Variants in CPPED1 observed in about 807,000 individuals in gnomAD.
CPPED1 encodes calcineurin like phosphoesterase domain containing 1.
In CPPED1, 28 loss-of-function variants were observed where a neutral mutation model predicts 28.0. That is an observed-to-expected ratio of 1.00 (90% CI 0.74 to 1.37). The LOEUF is 1.37. CPPED1 is among the 40% of genes most tolerant of loss of function. The pLI, the probability that CPPED1 is intolerant of heterozygous loss-of-function variation, is 0.00. For synonymous variants in CPPED1, 198 were observed against 180.2 expected, an observed-to-expected ratio of 1.10 and a Z score of -0.79; for missense variants, 504 against 416.5, an observed-to-expected ratio of 1.21 and a Z score of -1.83.
intron 3 of CPPED1, among the ~76,000 whole-genome samples, chr16:12,680,042 T>C (rs2079897026): frequency 6.6e-6 from 1 of 152,164 alleles, no homozygotes; most frequent in Admixed American, 6.5e-5. Context: ...ATCTACATAA[T>C]AAGACAACCT....
intron 2 of CPPED1, among the ~76,000 whole-genome samples, chr16:12,766,242 A>AATATATATAT (rs71393703): frequency 0.01 from 1,310 of 126,422 alleles, 21 homozygotes; most frequent in Non-Finnish European, 0.011. Context: ...AAAAAATACA[A>AATATATATAT]ATATATATAT....
chr16:12,660,424 T>C lies in CPPED1; in HGVS notation c.*4462A>G, dbSNP rs2079787326. The C allele has an allele frequency of 6.6e-6, 1 of 152,110 alleles. No individual in the cohort carries two copies. Among genetic ancestry groups the C allele is most frequent in the African/African-American group, 2.4e-5 (1 of 41,430 alleles). The allele number at this position is 152,110 out of a possible 1,614,324, so 9.4% of individuals were successfully genotyped here. On this transcript the variant is annotated 3_prime_UTR_variant, in exon 4 of 4. Coordinates refer to ENST00000381774, the MANE Select transcript of CPPED1 (RefSeq NM_018340.3). The stretch of plus-strand genomic sequence containing the variant: ...AATCCACTGGAGGAAAAGGAAAATT[T>C]AGTCAGCAAAATCTTTTCTAGATAA...
In CPPED1 at chr16:12,661,327, T is replaced by C. The variant is rs145713484; in HGVS notation, c.*3559A>G. On this transcript the variant is annotated 3_prime_UTR_variant, in exon 4 of 4. Transcript: ENST00000381774. ...GCCTTGTAACTCTGCAAGTGATCAA[T>C]AATCTCTTAATACTGAAAATCACAA... 7.2e-5 allele frequency: 11 copies of C among 152,324 alleles called. No homozygotes were observed. In the East Asian group the frequency reaches 2.1e-3, roughly 29 times the overall value. The allele number at this position is 152,324 out of a possible 1,614,324, so 9.4% of individuals were successfully genotyped here.
chr16:12,696,527 G>A (rs964466693), intron 3 of CPPED1, among the ~76,000 whole-genome samples: 4 of 144,930 alleles, frequency 2.8e-5, no homozygotes, highest in South Asian at 2.2e-4. Flanking sequence ...TGCAACCTCC[G>A]CCTTCCCAGG....
At chr16:12,701,394 C>A (rs1303757339) in intron 3 of CPPED1, among the ~76,000 whole-genome samples, 3 of 151,964 alleles carry the variant, frequency 2.0e-5, no homozygotes, top group African/African-American at 7.3e-5. Flanking sequence ...ATTAGCCAGG[C>A]ATGGTGGTGC....
At chr16:12,781,439 C>A (rs1295466024) in intron 1 of CPPED1, 36 bp from the exon 2 acceptor site, 5 of 1,588,092 alleles carry the variant, frequency 3.1e-6, no homozygotes, top group Non-Finnish European at 4.3e-6. Context: ...AAGGAGAAAT[C>A]TTGTAAAATC....
chr16:12,731,803 T>C (rs1403765973), intron 2 of CPPED1, among the ~76,000 whole-genome samples: 2 of 147,726 alleles, frequency 1.4e-5, no homozygotes, highest in Non-Finnish European at 3.0e-5. Flanking sequence ...GTGTCTAATA[T>C]GAAAAAAAAG....
chr16:12,751,350 T>G (rs2080327310), intron 2 of CPPED1, among the ~76,000 whole-genome samples: 2 of 152,158 alleles, frequency 1.3e-5, no homozygotes, highest in Admixed American at 1.3e-4. Flanking sequence ...ATGGCTGATA[T>G]GAAGAAAGTT....
intron 3 of CPPED1, among the ~76,000 whole-genome samples, chr16:12,692,712 A>G (rs533175430): frequency 1.6e-4 from 24 of 152,324 alleles, no homozygotes; most frequent in Admixed American, 1.2e-3. Flanking sequence ...AACACTGACC[A>G]TGTCTCTCAA....
intron 3 of CPPED1, among the ~76,000 whole-genome samples, chr16:12,698,369 T>C (rs1259550942): frequency 1.3e-5 from 2 of 152,184 alleles, no homozygotes; most frequent in East Asian, 3.9e-4. Context: ...CAGGATTTGA[T>C]GTTTTATCTT....
intron 2 of CPPED1, among the ~76,000 whole-genome samples, chr16:12,743,572 A>G (rs764124989): frequency 1.3e-5 from 2 of 152,242 alleles, no homozygotes; most frequent in African/African-American, 4.8e-5. Flanking sequence ...CAACTGATAT[A>G]AGTTGATAAG....
intron 2 of CPPED1, among the ~76,000 whole-genome samples, chr16:12,743,468 T>G (rs1302718089): frequency 6.6e-6 from 1 of 152,018 alleles, no homozygotes; most frequent in African/African-American, 2.4e-5. Context: ...ATAAAGAAAA[T>G]GGACAAAGTG....
chr16:12,726,246 T>G (rs1567287714), intron 2 of CPPED1, among the ~76,000 whole-genome samples: 1 of 151,576 alleles, frequency 6.6e-6, no homozygotes. Context: ...ATCACTGTGT[T>G]GGCCAAGCTG....
chr16:12,756,784 C>A (rs1347444328), intron 2 of CPPED1, among the ~76,000 whole-genome samples: 1 of 152,142 alleles, frequency 6.6e-6, no homozygotes, highest in Non-Finnish European at 1.5e-5. Flanking sequence ...AATGATAAAT[C>A]AGACAAAACT....
chr16:12,695,356 C>T (rs946992798), intron 3 of CPPED1, among the ~76,000 whole-genome samples: 16 of 152,056 alleles, frequency 1.1e-4, no homozygotes, highest in African/African-American at 2.4e-4. Flanking sequence ...ACTTGGCTTC[C>T]GGGGCTCAAG....
chr16:12,734,511 C>T (rs1178466877), intron 2 of CPPED1, among the ~76,000 whole-genome samples: 2 of 152,196 alleles, frequency 1.3e-5, no homozygotes, highest in African/African-American at 4.8e-5. Context: ...TCCCAAGTAG[C>T]TGGGACTACG....
chr16:12,763,233 GAAA>G (rs749737070), intron 2 of CPPED1, among the ~76,000 whole-genome samples: 1 of 128,532 alleles, frequency 7.8e-6, no homozygotes, highest in Non-Finnish European at 1.7e-5. Flanking sequence ...ACTCCACCTT[GAAA>G]AAAAAAAAAA....
At chr16:12,754,329 T>A (rs2080350871) in intron 2 of CPPED1, among the ~76,000 whole-genome samples, 2 of 152,200 alleles carry the variant, frequency 1.3e-5, no homozygotes, top group Non-Finnish European at 2.9e-5. Context: ...GGCAACTTTA[T>A]TTCACCAGCA....
At position 12,664,556 on chromosome 16, in the gene CPPED1, G is replaced by A. The variant is rs951844594; in HGVS notation, c.*330C>T. Reference sequence around the variant, plus strand: ...GAATTGAGGTCGATAGGCAGACTTTGACCATATGCTAACCAGAATACAATC... The same window carrying A: ...GAATTGAGGTCGATAGGCAGACTTTAACCATATGCTAACCAGAATACAATC... On this transcript the variant is annotated 3_prime_UTR_variant, in exon 4 of 4. Transcript: ENST00000381774. The surrounding 1 kb of genome is among the most constrained non-coding windows in gnomAD (Gnocchi z 4.2). 8.9e-7 allele frequency: 1 copy of A among 1,117,496 alleles called. No homozygotes were observed. The highest frequency in any genetic ancestry group is 8.5e-5 in the East Asian group (1 of 11,752). The allele number at this position is 1,117,496 out of a possible 1,614,324, so 69.2% of individuals were successfully genotyped here.
Sources: gnomAD v4.1 joint callset for allele counts (sites outside exome capture counted in the v4.1 genomes callset) on GRCh38, gnomAD v4.1.1 for gene constraint, Gnocchi (gnomAD v3.1) non-coding constraint, MANE v1.5 for transcripts, NCBI Gene and HGNC (gene_info 2026-07-23, HGNC 2026-07-21) for gene names.